The following EPB41 variants were observed in gnomAD, a reference collection of about 807,000 sequenced individuals.
The protein encoded by EPB41 is protein 4.1.
EPB41 carries 65 observed loss-of-function variants against 108.0 expected under a neutral mutation model. The ratio of observed to expected loss-of-function variants is 0.60; its 90% confidence interval spans 0.49 to 0.74. The LOEUF is 0.74. Ranked by LOEUF, EPB41 falls within the 30% of genes least tolerant of loss-of-function variation. EPB41 has a pLI of 0.00. For missense variants in EPB41, 875 were observed against 1,037.0 expected (o/e 0.84, Z 2.15); for synonymous variants, 336 against 358.9 (o/e 0.94, Z 0.72).
chr1:28,887,142 C>T, upstream of EPB41: 2 of 1,010,222 alleles, frequency 2.0e-6, no homozygotes, highest in Non-Finnish European at 2.7e-6. The surrounding 1 kb of genome is among the most constrained non-coding windows in gnomAD (Gnocchi z 4.9). Flanking sequence ...GTGGCAGGAA[C>T]CTCTTAAAGG....
chr1:28,897,684 A>G, intron 1 of EPB41, among the ~76,000 whole-genome samples: 1 of 148,646 alleles, frequency 6.7e-6, no homozygotes, highest in Non-Finnish European at 1.5e-5. Context: ...GAAGAAAGGA[A>G]GGGAAGGAAA....
chr1:28,949,073 C>G (rs926790348), intron 1 of EPB41, among the ~76,000 whole-genome samples: 1 of 152,212 alleles, frequency 6.6e-6, no homozygotes, highest in Non-Finnish European at 1.5e-5. Context: ...TACCAGTGCT[C>G]TCTTCCCCCA....
At chr1:28,978,001 A>T (rs2095649939) in intron 1 of EPB41, among the ~76,000 whole-genome samples, 2 of 142,852 alleles carry the variant, frequency 1.4e-5, no homozygotes, top group African/African-American at 2.8e-5. Flanking sequence ...TTAATCATTC[A>T]TTTTTATGTT....
chr1:28,986,658 G>T (rs528518096), intron 1 of EPB41, among the ~76,000 whole-genome samples: 7 of 152,118 alleles, frequency 4.6e-5, no homozygotes, highest in African/African-American at 1.7e-4. Flanking sequence ...GGCCGGGTGC[G>T]GTAGTTCACG....
At chr1:28,889,476 C>T (rs1171831778) in intron 1 of EPB41, among the ~76,000 whole-genome samples, 1 of 152,268 alleles carries the variant, frequency 6.6e-6, no homozygotes, top group East Asian at 1.9e-4. Flanking sequence ...GAAGCTCCCA[C>T]CCAGGCCGCC....
chr1:29,007,511 G>A (rs892582429), intron 4 of EPB41, among the ~76,000 whole-genome samples: 3 of 152,146 alleles, frequency 2.0e-5, no homozygotes, highest in African/African-American at 4.8e-5. Flanking sequence ...AGTAATAAGC[G>A]AAAGTTTCAG....
In EPB41 at chr1:29,039,212, G is replaced by C. The variant is rs776306985; in HGVS notation, c.1464-42G>C. ...TAATTTTACAGTTTTAGAATAATAA[G>C]ATGAATATATAATAATATGACTATT... On this transcript the variant is annotated intron_variant, in intron 10 of 20. Transcript: ENST00000343067. 8 of 1,573,482 alleles carry C rather than the reference G, an allele frequency of 5.1e-6. No homozygotes were observed. The East Asian group carries it at 1.8e-4, about 36-fold the overall frequency.
At chr1:29,066,905 C>T (rs951870837) in intron 16 of EPB41, among the ~76,000 whole-genome samples, 2 of 151,506 alleles carry the variant, frequency 1.3e-5, no homozygotes, top group African/African-American at 4.8e-5. Flanking sequence ...AAACTCCTGA[C>T]CTCAGGTGAT....
At chr1:29,026,113 C>T (rs904473090) in intron 7 of EPB41, among the ~76,000 whole-genome samples, 1 of 151,836 alleles carries the variant, frequency 6.6e-6, no homozygotes, top group Non-Finnish European at 1.5e-5. Flanking sequence ...GCTGAGTAGC[C>T]CAGAATGGGG....
At chr1:29,068,932 G>T in intron 16 of EPB41, 1 of 724,152 alleles carries the variant, frequency 1.4e-6, no homozygotes, top group Non-Finnish European at 1.9e-6. Flanking sequence ...ACAGCCTTTC[G>T]GCCTAACACA....
chr1:28,983,148 A>C (rs1024419817), intron 1 of EPB41, among the ~76,000 whole-genome samples: 1 of 152,142 alleles, frequency 6.6e-6, no homozygotes, highest in East Asian at 1.9e-4. Context: ...GATTTGCCAT[A>C]CTCTATGTTT....
In EPB41 at chr1:28,959,996, CTTTTCTTTTTTT is replaced by C. The variant is rs1425000749; in HGVS notation, c.-7-27430_-7-27419del. Among the ~76,000 whole-genome samples the C allele has an allele frequency of 7.9e-5, 11 of 139,756 alleles. 1 individual carries two copies. In the Middle Eastern group the frequency reaches 0.02, roughly 256 times the overall value. The allele number at this position is 139,756 out of a possible 152,430, so 91.7% of individuals were successfully genotyped here. A position where few individuals can be genotyped will look rare whatever the true frequency, so the allele number is the denominator to read the frequency against. On this transcript the variant is annotated intron_variant, in intron 1 of 20. Transcript: ENST00000343067. ...TTCTTGAGGCCCTTTCTTTTTTTTT[CTTTTCTTTTTTT>C]TTTTTTTTTGAGACAGGATCTCACT...
At chr1:28,994,056 T>C (rs949376463) in intron 3 of EPB41, among the ~76,000 whole-genome samples, 4 of 152,148 alleles carry the variant, frequency 2.6e-5, no homozygotes, top group African/African-American at 9.7e-5. Flanking sequence ...GTAAATGCCA[T>C]TTCTTAAAAT....
intron 1 of EPB41, among the ~76,000 whole-genome samples, chr1:28,901,860 C>T (rs1282106601): frequency 2.0e-5 from 3 of 152,158 alleles, no homozygotes; most frequent in Non-Finnish European, 4.4e-5. Context: ...AAAATTGTAA[C>T]ACCTTTCTGT....
chr1:28,959,725 T>C (rs1250774779), intron 1 of EPB41, among the ~76,000 whole-genome samples: 1 of 152,108 alleles, frequency 6.6e-6, no homozygotes, highest in East Asian at 1.9e-4. Context: ...TGGCAAGTGA[T>C]TGGGTTTAAC....
At chr1:28,909,598 C>G (rs1243453135), upstream of EPB41, among the ~76,000 whole-genome samples, 1 of 152,148 alleles carries the variant, frequency 6.6e-6, no homozygotes, top group Non-Finnish European at 1.5e-5. Context: ...GAGTTCAAGA[C>G]TAGTCTCCAC....
chr1:29,064,920 C>T, intron 15 of EPB41, 62 bp from the exon 16 acceptor site: 1 of 1,608,732 alleles, frequency 6.2e-7, no homozygotes, highest in Non-Finnish European at 8.5e-7. Context: ...GACGGGTTGC[C>T]CTTGATTATG....
intron 17 of EPB41, among the ~76,000 whole-genome samples, chr1:29,105,756 T>TC (rs1666927778): frequency 6.8e-6 from 1 of 146,194 alleles, no homozygotes; most frequent in African/African-American, 2.5e-5. Flanking sequence ...TTTTTTTTTT[T>TC]TTTTTTTTTT....
At chr1:28,996,860 T>C (rs769853791) in intron 3 of EPB41, among the ~76,000 whole-genome samples, 3 of 152,102 alleles carry the variant, frequency 2.0e-5, no homozygotes, top group Non-Finnish European at 4.4e-5. Flanking sequence ...TCAGGCCAGG[T>C]GCAGTGGCTC....
Sources: gnomAD v4.1 joint callset for allele counts (sites outside exome capture counted in the v4.1 genomes callset) on GRCh38, gnomAD v4.1.1 for gene constraint, Gnocchi (gnomAD v3.1) non-coding constraint, MANE v1.5 for transcripts, NCBI Gene and HGNC (gene_info 2026-07-23, HGNC 2026-07-21) for gene names.